The following PLCB4 variants were observed in gnomAD, a reference collection of about 807,000 sequenced individuals.
PLCB4 encodes the protein phospholipase C beta 4.
A neutral mutation model predicts 178.8 loss-of-function variants in PLCB4; 77 were observed. The ratio of observed to expected loss-of-function variants is 0.43; its 90% CI spans 0.36 to 0.52. The LOEUF (loss-of-function observed/expected upper bound fraction) is 0.52. PLCB4 is among the 20% of genes least tolerant of loss of function. The pLI is 0.00. For missense variants in PLCB4, 1,024 were observed against 1,453.4 expected, an observed-to-expected ratio of 0.70 and a Z score of 4.80; for synonymous variants, 496 against 490.8, an observed-to-expected ratio of 1.01 and a Z score of -0.14.
rs756285034 is a variant in PLCB4, at chr20:9,453,378, C to G, written c.2912C>G (p.Thr971Arg). ...EHSTMQKLHC[T>R]QVDKIVAQYD... Reference sequence around the variant, plus strand: ...AGTACCATGCAGAAGTTACACTGCACGCAAGTTGACAAAATTGTGGCACAG... The same window carrying G: ...AGTACCATGCAGAAGTTACACTGCAGGCAAGTTGACAAAATTGTGGCACAG... The change falls in exon 33 of 40, where the codon ACG becomes AGG. Residue 971 changes from threonine (T) to arginine (R), a missense_variant. Physicochemically the swap from Thr to Arg is moderately conservative, Grantham distance 71 (BLOSUM62 -1). Around this residue, in one of 7 missense-constraint regions of PLCB4, gnomAD observed 264 missense variants for 283.2 expected, o/e 0.93. Transcript: ENST00000378473. 2.5e-6 allele frequency: 4 copies of G among 1,611,996 alleles called. No individual in the cohort carries two copies. The highest frequency in any genetic ancestry group is 2.5e-6 in the Non-Finnish European group (3 of 1,178,504).
intron 2 of PLCB4, among the ~76,000 whole-genome samples, chr20:9,144,720 AGGG>A (rs1568831635): frequency 3.8e-4 from 2 of 5,232 alleles, no homozygotes; most frequent in African/African-American, 1.5e-3. Flanking sequence ...AAGGGGAAGA[AGGG>A]GAAGGAGGGG....
chr20:9,103,980 T>G (rs73609412), intron 2 of PLCB4, among the ~76,000 whole-genome samples: 3,341 of 152,262 alleles, frequency 0.022, 115 homozygotes, highest in African/African-American at 0.074. Context: ...AATTGGTCTC[T>G]GTTCCAGTTG....
intron 2 of PLCB4, among the ~76,000 whole-genome samples, chr20:9,117,078 C>G (rs939081476): frequency 5.3e-5 from 8 of 152,180 alleles, no homozygotes; most frequent in African/African-American, 1.9e-4. Flanking sequence ...AATTTGTCTA[C>G]AGATTCATTT....
intron 30 of PLCB4, among the ~76,000 whole-genome samples, chr20:9,439,351 A>G (rs774436520): frequency 1.2e-4 from 19 of 152,194 alleles, no homozygotes; most frequent in Non-Finnish European, 1.5e-4. Flanking sequence ...CCCTGAGTTT[A>G]AAGAGCAGCC....
At chr20:9,350,496 T>C (rs555525716) in intron 7 of PLCB4, among the ~76,000 whole-genome samples, 4 of 152,320 alleles carry the variant, frequency 2.6e-5, no homozygotes, top group African/African-American at 9.6e-5. Context: ...CTCTCTCTAG[T>C]GCTCTAGATC....
intron 19 of PLCB4, among the ~76,000 whole-genome samples, chr20:9,397,959 G>A (rs1414771597): frequency 6.6e-6 from 1 of 152,072 alleles, no homozygotes; most frequent in African/African-American, 2.4e-5. Context: ...GGTTCCCTTG[G>A]GTGGGTTATC....
Position 9,444,163 on chromosome 20 carries a change from A to T in PLCB4, c.2815-15A>T, listed in dbSNP as rs6039471. The T allele has an allele frequency of 3.8e-6, 6 of 1,573,956 alleles. No individual in the cohort carries two copies. In the African/African-American group the frequency reaches 8.2e-5, roughly 22 times the overall value. On this transcript the variant is annotated splice_polypyrimidine_tract_variant and intron_variant, in intron 31 of 39. Transcript: ENST00000378473. The stretch of plus-strand genomic sequence containing the variant: ...AAACAAAAAACCTATTTTTGATTCT[A>T]TTTTTCTCCCAAAGGCTTACTTGAA...
At chr20:9,291,715 G>T (rs1202505560) in intron 3 of PLCB4, among the ~76,000 whole-genome samples, 1 of 152,094 alleles carries the variant, frequency 6.6e-6, no homozygotes, top group Non-Finnish European at 1.5e-5. Context: ...GGAGATAAAT[G>T]ACCTTGTGTG....
intron 2 of PLCB4, among the ~76,000 whole-genome samples, chr20:9,129,551 A>C (rs1370970553): frequency 6.6e-6 from 1 of 152,134 alleles, no homozygotes; most frequent in Non-Finnish European, 1.5e-5. Context: ...TGCCTAAAGG[A>C]GAACACATCT....
At chr20:9,393,328 C>T (rs1165404146) in intron 17 of PLCB4, among the ~76,000 whole-genome samples, 4 of 152,162 alleles carry the variant, frequency 2.6e-5, no homozygotes, top group African/African-American at 4.8e-5. Context: ...AGGCCAGACC[C>T]CTGCTCCACT....
At chr20:9,276,929 C>T (rs1169133584) in intron 3 of PLCB4, among the ~76,000 whole-genome samples, 2 of 152,000 alleles carry the variant, frequency 1.3e-5, no homozygotes, top group Admixed American at 6.6e-5. Context: ...AGAGCAAGAT[C>T]TTGTCTCTAA....
rs747777500 is a variant in PLCB4, at chr20:9,389,930, G to A, written c.1210G>A (p.Val404Ile). The A allele has an allele frequency of 3.2e-6, 5 of 1,576,314 alleles. No homozygotes were observed. The South Asian group carries it at 3.3e-5, about 10-fold the overall frequency. The change falls in exon 16 of 40, where the codon GTA becomes ATA. Residue 404 changes from valine (V) to isoleucine (I), a missense_variant. Val to Ile is a conservative substitution (Grantham distance 29, BLOSUM62 3). Transcript: ENST00000378473. ...ETAFVTSEYP[V>I]ILSFENHCSK... ...TGCATTTGTCACATCAGAATATCCT[G>A]TAATTCTCTCCTTTGAAAATCACTG...
intron 3 of PLCB4, among the ~76,000 whole-genome samples, chr20:9,258,976 A>T (rs1172732104): frequency 3.3e-5 from 5 of 152,216 alleles, no homozygotes; most frequent in Admixed American, 3.3e-4. Flanking sequence ...GACCAGGTGG[A>T]AAAACTAGAC....
chr20:9,308,942 T>G (rs2094800255), intron 4 of PLCB4, among the ~76,000 whole-genome samples: 2 of 152,238 alleles, frequency 1.3e-5, no homozygotes, highest in Admixed American at 1.3e-4. Context: ...AGAATAATAT[T>G]CTGCCATCCA....
chr20:9,455,044 G>C (rs531108661), intron 33 of PLCB4, among the ~76,000 whole-genome samples: 1 of 152,304 alleles, frequency 6.6e-6, no homozygotes, highest in South Asian at 2.1e-4. Context: ...AGTAAGTTTT[G>C]AGGAGCTGTG....
intron 3 of PLCB4, among the ~76,000 whole-genome samples, chr20:9,251,280 G>C (rs927053737): frequency 6.6e-6 from 1 of 152,176 alleles, no homozygotes; most frequent in Admixed American, 6.5e-5. Flanking sequence ...CCTCATATCG[G>C]CTGCATAGAT....
At chr20:9,148,051 A>T (rs1019146139) in intron 2 of PLCB4, among the ~76,000 whole-genome samples, 3 of 152,162 alleles carry the variant, frequency 2.0e-5, no homozygotes, top group Non-Finnish European at 4.4e-5. Context: ...GAGAGAGTTC[A>T]TCTGGGTCTG....
At chr20:9,475,828 A>C (rs1408460257) in intron 38 of PLCB4, among the ~76,000 whole-genome samples, 1 of 152,214 alleles carries the variant, frequency 6.6e-6, no homozygotes, top group East Asian at 1.9e-4. Context: ...TTCTTTCCTC[A>C]TAAAAAGGCA....
intron 32 of PLCB4, among the ~76,000 whole-genome samples, chr20:9,449,378 A>T (rs2042611133): frequency 6.6e-6 from 1 of 152,074 alleles, no homozygotes; most frequent in Non-Finnish European, 1.5e-5. Flanking sequence ...CCAAGCAGGA[A>T]GTAGCTGAGG....
Sources: allele counts gnomAD v4.1 joint callset (sites outside exome capture counted in the v4.1 genomes callset), GRCh38; gene constraint gnomAD v4.1.1; regional missense constraint gnomAD v4.1.1; transcripts MANE v1.5; gene names NCBI Gene and HGNC (gene_info 2026-07-23, HGNC 2026-07-21).